Variants in IL1RAPL2 observed in about 807,000 individuals in gnomAD.
The protein encoded by IL1RAPL2 is X-linked interleukin-1 receptor accessory protein-like 2.
In IL1RAPL2, 3 loss-of-function variants were observed where a neutral mutation model predicts 44.1. That is an observed-to-expected ratio of 0.07 (90% CI 0.03 to 0.18). The LOEUF is 0.18. IL1RAPL2 is among the 10% of genes least tolerant of loss of function. The pLI is 1.00. For synonymous variants in IL1RAPL2, 181 were observed against 178.8 expected (o/e 1.01, Z -0.10); for missense variants, 391 against 496.4 (o/e 0.79, Z 2.02).
intron 1 of IL1RAPL2, among the ~76,000 whole-genome samples, chrX:104,643,462 C>A (rs1437003871): frequency 8.9e-6 from 1 of 111,931 alleles, no homozygotes; most frequent in Non-Finnish European, 1.9e-5. Flanking sequence ...TTTTAACTTT[C>A]TCCCATTGGT....
chrX:105,422,382 G>C (rs1188818676), intron 5 of IL1RAPL2, among the ~76,000 whole-genome samples: 1 of 111,395 alleles, frequency 9.0e-6, no homozygotes, highest in Non-Finnish European at 1.9e-5. Context: ...TTTCCCAAGG[G>C]GCTTTTATTG....
At chrX:104,658,800 T>G in intron 1 of IL1RAPL2, 95 bp from the exon 2 acceptor site, 1 of 553,191 alleles carries the variant, frequency 1.8e-6, no homozygotes, top group Non-Finnish European at 3.1e-6. Flanking sequence ...ATTGTTTCTC[T>G]AATGGAGTTT....
intron 2 of IL1RAPL2, among the ~76,000 whole-genome samples, chrX:104,808,639 T>C (rs2147617146): frequency 9.0e-6 from 1 of 111,547 alleles, no homozygotes; most frequent in South Asian, 3.8e-4. Context: ...TTAATCTTGA[T>C]AGTTATCAGG....
intron 6 of IL1RAPL2, among the ~76,000 whole-genome samples, chrX:105,705,245 T>TA (rs2038155970): frequency 9.0e-6 from 1 of 110,616 alleles, no homozygotes; most frequent in Non-Finnish European, 1.9e-5. Flanking sequence ...GAAAATAAAA[T>TA]ATCTGTACTA....
chrX:105,185,308 T>C (rs896627571), intron 2 of IL1RAPL2, among the ~76,000 whole-genome samples: 2 of 111,805 alleles, frequency 1.8e-5, no homozygotes, highest in African/African-American at 6.5e-5. Flanking sequence ...CTATTGAAAG[T>C]GAATTGGAAA....
chrX:105,296,033 A>G (rs1017836780), intron 5 of IL1RAPL2, among the ~76,000 whole-genome samples: 1 of 111,351 alleles, frequency 9.0e-6, no homozygotes, highest in Non-Finnish European at 1.9e-5. Flanking sequence ...TTTGTCCAGA[A>G]AATACACTGG....
At chrX:104,846,346 C>A (rs1922051067) in intron 2 of IL1RAPL2, among the ~76,000 whole-genome samples, 2 of 109,971 alleles carry the variant, frequency 1.8e-5, no homozygotes, top group South Asian at 4.0e-4. Flanking sequence ...TCCCTCCCCC[C>A]TCTCCCCACC....
intron 2 of IL1RAPL2, among the ~76,000 whole-genome samples, chrX:105,069,152 C>A (rs775230391): frequency 1.8e-5 from 2 of 112,375 alleles, no homozygotes; most frequent in African/African-American, 3.2e-5. Flanking sequence ...AACAGCCATA[C>A]CATCTGGAAA....
intron 6 of IL1RAPL2, among the ~76,000 whole-genome samples, chrX:105,674,044 A>C (rs974336058): frequency 3.6e-5 from 4 of 111,378 alleles, no homozygotes; most frequent in African/African-American, 1.3e-4. Flanking sequence ...AATGTGTTTG[A>C]GTTCCTTGTA....
chrX:105,734,762 C>T (rs908288167), intron 7 of IL1RAPL2, among the ~76,000 whole-genome samples: 1 of 111,386 alleles, frequency 9.0e-6, no homozygotes, highest in African/African-American at 3.3e-5. Context: ...TTCCCTTTCC[C>T]CCTGCCAGAA....
chrX:105,212,586 C>A (rs1380462977), intron 3 of IL1RAPL2, among the ~76,000 whole-genome samples: 7 of 111,986 alleles, frequency 6.3e-5, no homozygotes, highest in Non-Finnish European at 1.3e-4. Context: ...AGCAGCTGAT[C>A]CTGACAAGAG....
intron 2 of IL1RAPL2, among the ~76,000 whole-genome samples, chrX:105,088,022 G>C: frequency 8.9e-6 from 1 of 112,187 alleles, no homozygotes; most frequent in Middle Eastern, 4.7e-3. Flanking sequence ...TCCATTGCAT[G>C]ACTCTTTCGT....
At chrX:105,500,771 C>T (rs1363999707) in intron 6 of IL1RAPL2, among the ~76,000 whole-genome samples, 1 of 111,976 alleles carries the variant, frequency 8.9e-6, no homozygotes, top group Non-Finnish European at 1.9e-5. Context: ...TCAGTCTCAT[C>T]ATTCTTGCTA....
intron 5 of IL1RAPL2, among the ~76,000 whole-genome samples, chrX:105,328,437 A>G (rs930384929): frequency 8.9e-6 from 1 of 111,744 alleles, no homozygotes; most frequent in Non-Finnish European, 1.9e-5. Flanking sequence ...CTGAAGCTCT[A>G]TTAAGTAGAT....
At chrX:105,257,598 C>T (rs1184705252) in intron 4 of IL1RAPL2, among the ~76,000 whole-genome samples, 2 of 112,084 alleles carry the variant, frequency 1.8e-5, no homozygotes, top group Admixed American at 1.9e-4. Context: ...TAAGAACTTG[C>T]TTTATGAATC....
intron 5 of IL1RAPL2, among the ~76,000 whole-genome samples, chrX:105,387,269 C>T (rs111843308): frequency 7.0e-4 from 67 of 95,622 alleles, no homozygotes; most frequent in Non-Finnish European, 1.2e-3. Context: ...GAGTCTTACT[C>T]TGTTGCCTAG....
At chrX:104,897,129 A>G (rs1923675615) in intron 2 of IL1RAPL2, among the ~76,000 whole-genome samples, 1 of 112,121 alleles carries the variant, frequency 8.9e-6, no homozygotes, top group Non-Finnish European at 1.9e-5. Flanking sequence ...TTCTGGACAC[A>G]GTAATATAGA....
intron 2 of IL1RAPL2, among the ~76,000 whole-genome samples, chrX:104,689,355 C>T (rs906819769): frequency 9.0e-6 from 1 of 111,305 alleles, no homozygotes. Context: ...TTTCAGGGTC[C>T]TCTGGGCCAC....
chrX:105,605,024 C>T (rs2037283406), intron 6 of IL1RAPL2, among the ~76,000 whole-genome samples: 1 of 110,553 alleles, frequency 9.0e-6, no homozygotes, highest in Non-Finnish European at 1.9e-5. Flanking sequence ...AAACCTACCC[C>T]TAACATCATA....
Sources: allele counts gnomAD v4.1 joint callset (sites outside exome capture counted in the v4.1 genomes callset), GRCh38; gene constraint gnomAD v4.1.1; transcripts MANE v1.5; gene names NCBI Gene and HGNC (gene_info 2026-07-23, HGNC 2026-07-21).